Variants in DOCK7 observed in about 807,000 individuals in gnomAD.
DOCK7 encodes the protein dedicator of cytokinesis protein 7.
DOCK7 carries 138 observed loss-of-function variants against 271.0 expected under a neutral mutation model. The ratio of observed to expected loss-of-function variants is 0.51; its 90% CI spans 0.44 to 0.59. DOCK7 has a LOEUF of 0.59. DOCK7 is among the 20% of genes least tolerant of loss of function. The probability of loss-of-function intolerance (pLI) is 0.00; values close to 1 mark genes in which losing one functional copy is unlikely to be tolerated. For missense variants in DOCK7, 2,066 were observed against 2,592.4 expected (o/e 0.80, Z 4.41); for synonymous variants, 823 against 876.1 (o/e 0.94, Z 1.07).
intron 40 of DOCK7, among the ~76,000 whole-genome samples, chr1:62,493,869 T>C (rs1367420627): frequency 6.6e-6 from 1 of 152,218 alleles, no homozygotes; most frequent in African/African-American, 2.4e-5. Context: ...GTCATGGTAT[T>C]AGTCATAAAA....
rs1014785317 is a variant in DOCK7, at chr1:62,625,530, G to A, written c.1283-129C>T. The A allele has an allele frequency of 1.2e-5, 11 of 911,338 alleles. No homozygotes were observed. The African/African-American group carries it at 1.7e-4, about 14-fold the overall frequency. 56.5% of individuals were successfully genotyped at this position (911,338 alleles called of 1,614,324 possible). ...ACTCAGCATATCAAGTATAGTAGGA[G>A]AATTTTGCTTTTGGAGAGATTAGTA... On this transcript the variant is annotated intron_variant, in intron 11 of 49. Coordinates refer to ENST00000635253, the MANE Select transcript of DOCK7 (RefSeq NM_001367561.1).
intron 14 of DOCK7, among the ~76,000 whole-genome samples, chr1:62,587,182 T>C (rs1279151235): frequency 6.6e-6 from 1 of 151,696 alleles, no homozygotes; most frequent in Non-Finnish European, 1.5e-5. Context: ...AATAACATCC[T>C]AATTTGCATT....
chr1:62,489,374 G>T (rs1300197003), intron 41 of DOCK7, among the ~76,000 whole-genome samples: 1 of 152,146 alleles, frequency 6.6e-6, no homozygotes, highest in East Asian at 1.9e-4. Context: ...GCGTGAACAT[G>T]GGAGGCGGAG....
intron 48 of DOCK7, among the ~76,000 whole-genome samples, chr1:62,466,944 A>C (rs560569753): frequency 7.8e-4 from 118 of 151,946 alleles, no homozygotes; most frequent in Middle Eastern, 3.4e-3. Context: ...ACAAAAAAAA[A>C]CAAAAAACAA....
chr1:62,539,537 T>C lies in DOCK7; in HGVS notation c.3300+8A>G, dbSNP rs368422761. 1.8e-4 allele frequency: 278 copies of C among 1,580,770 alleles called. No homozygotes were observed. The highest frequency in any genetic ancestry group is 2.3e-4 in the Non-Finnish European group (264 of 1,158,620). ...TTTGATTACTAATTATTCCTAACTA[T>C]GCATTACCTGTTTATAGCAGGACTT... On this transcript the variant is annotated splice_region_variant and intron_variant, in intron 27 of 49. Transcript: ENST00000635253.
intron 21 of DOCK7, among the ~76,000 whole-genome samples, chr1:62,554,636 A>G (rs1273360556): frequency 6.6e-6 from 1 of 152,160 alleles, no homozygotes; most frequent in Non-Finnish European, 1.5e-5. Context: ...TTTGCAAATG[A>G]TATTAATACA....
At chr1:62,516,178 T>A (rs1644656777) in intron 31 of DOCK7, among the ~76,000 whole-genome samples, 1 of 152,176 alleles carries the variant, frequency 6.6e-6, no homozygotes, top group Admixed American at 6.5e-5. Context: ...ATATCTTAAA[T>A]AAGACATAAA....
At chr1:62,499,574 C>G (rs1383840161) in intron 37 of DOCK7, among the ~76,000 whole-genome samples, 2 of 151,632 alleles carry the variant, frequency 1.3e-5, no homozygotes, top group East Asian at 3.9e-4. Context: ...AATATTTCCT[C>G]TAAGTAAGAA....
chr1:62,681,564 A>C (rs564761637), intron 1 of DOCK7, among the ~76,000 whole-genome samples: 1 of 144,236 alleles, frequency 6.9e-6, no homozygotes, highest in African/African-American at 2.6e-5. Context: ...ATAAAAATAC[A>C]AAAAAAAAAA....
chr1:62,573,187 G>A (rs1340178194), intron 18 of DOCK7, among the ~76,000 whole-genome samples: 4 of 152,116 alleles, frequency 2.6e-5, no homozygotes, highest in African/African-American at 9.7e-5. Context: ...TAAAGAAAAA[G>A]ACTCAGCTAT....
chr1:62,537,764 T>C (rs912615034), intron 28 of DOCK7, 127 bp downstream of exon 28: 121 of 833,024 alleles, frequency 1.5e-4, no homozygotes, highest in African/African-American at 7.9e-4. Flanking sequence ...CTTTTAATAC[T>C]TACAAAGCAC....
chr1:62,641,516 G>C (rs1236121670), intron 7 of DOCK7: 2 of 454,656 alleles, frequency 4.4e-6, no homozygotes, highest in East Asian at 6.8e-5. Flanking sequence ...GAAATGGTAG[G>C]GTCCTCAGAA....
At chr1:62,645,610 A>G (rs1656550561) in intron 7 of DOCK7, among the ~76,000 whole-genome samples, 1 of 152,250 alleles carries the variant, frequency 6.6e-6, no homozygotes, top group South Asian at 2.1e-4. Flanking sequence ...TATTGCAATA[A>G]TAGTTGCACA....
At chr1:62,670,161 T>C (rs1571967599) in intron 1 of DOCK7, among the ~76,000 whole-genome samples, 1 of 152,200 alleles carries the variant, frequency 6.6e-6, no homozygotes, top group African/African-American at 2.4e-5. Context: ...CCGCCATGCC[T>C]GAGCCTCTCA....
At chr1:62,494,638 C>T in intron 39 of DOCK7, 171 bp from the exon 40 acceptor site, 1 of 425,982 alleles carries the variant, frequency 2.3e-6, no homozygotes, top group Non-Finnish European at 4.0e-6. Flanking sequence ...ATAACTGTGG[C>T]CTATGGAATG....
intron 24 of DOCK7, chr1:62,543,212 G>A (rs1041100238): frequency 2.6e-5 from 4 of 154,994 alleles, no homozygotes; most frequent in African/African-American, 9.6e-5. Context: ...CAAAGCATTT[G>A]CAAAGTAGTG....
chr1:62,594,115 G>A (rs1236016029), intron 14 of DOCK7, among the ~76,000 whole-genome samples: 1 of 151,868 alleles, frequency 6.6e-6, no homozygotes, highest in Non-Finnish European at 1.5e-5. Context: ...ATTTTCCTTG[G>A]CATAAAATTT....
chr1:62,635,587 A>AGAT (rs1655165177), intron 8 of DOCK7: 1 of 151,990 alleles, frequency 6.6e-6, no homozygotes, highest in African/African-American at 2.4e-5. Flanking sequence ...ATTATCATTG[A>AGAT]GATGATGGAT....
chr1:62,600,992 A>G lies in DOCK7; in HGVS notation c.1683-14368T>C. 3.8e-6 allele frequency: 3 copies of G among 793,150 alleles called. No individual in the cohort carries two copies. The South Asian group carries it at 4.3e-5, about 11-fold the overall frequency. 49.1% of individuals were successfully genotyped at this position (793,150 alleles called of 1,614,324 possible). ...CCGTTATAACATTATGAACTGAAAGACAAACTGTACTTCTGACATCCTTAC... is the reference window on the plus strand; with the variant it reads ...CCGTTATAACATTATGAACTGAAAGGCAAACTGTACTTCTGACATCCTTAC... On this transcript the variant is annotated intron_variant, in intron 14 of 49. Transcript: ENST00000635253.
Sources: allele counts gnomAD v4.1 joint callset (sites outside exome capture counted in the v4.1 genomes callset), GRCh38; gene constraint gnomAD v4.1.1; transcripts MANE v1.5; gene names NCBI Gene and HGNC (gene_info 2026-07-23, HGNC 2026-07-21).